ARRB1: variants seen among roughly 807,000 people sequenced by gnomAD.
ARRB1 encodes the protein arrestin beta 1.
In ARRB1, 21 loss-of-function variants were observed where a neutral mutation model predicts 56.8. That is an observed-to-expected ratio of 0.37 (90% CI 0.26 to 0.53). The LOEUF (loss-of-function observed/expected upper bound fraction) is 0.53. ARRB1 is among the 20% of genes least tolerant of loss of function. The probability of loss-of-function intolerance (pLI) is 0.88; values close to 1 mark genes in which losing one functional copy is unlikely to be tolerated. For missense variants in ARRB1, 424 were observed against 553.7 expected, an observed-to-expected ratio of 0.77 and a Z score of 2.35; for synonymous variants, 210 against 218.6, an observed-to-expected ratio of 0.96 and a Z score of 0.35.
intron 1 of ARRB1, among the ~76,000 whole-genome samples, chr11:75,312,616 T>C (rs1007545521): frequency 2.0e-5 from 3 of 152,002 alleles, no homozygotes; most frequent in African/African-American, 7.2e-5. Flanking sequence ...ATTCTGCAGA[T>C]GTGATTTTGT....
intron 13 of ARRB1, 58 bp downstream of exon 13, chr11:75,271,643 C>CAA: frequency 1.3e-6 from 2 of 1,526,194 alleles, no homozygotes; most frequent in Admixed American, 4.1e-5. Context: ...TCAGTCAAGC[C>CAA]AATGGGCTCC....
intron 1 of ARRB1, among the ~76,000 whole-genome samples, chr11:75,333,421 A>G (rs1166083801): frequency 6.6e-6 from 1 of 152,212 alleles, no homozygotes; most frequent in African/African-American, 2.4e-5. Flanking sequence ...GCATTGTGCC[A>G]GGGCTGGGGA....
At chr11:75,334,857 T>C (rs1352121172) in intron 1 of ARRB1, among the ~76,000 whole-genome samples, 1 of 151,840 alleles carries the variant, frequency 6.6e-6, no homozygotes, top group East Asian at 1.9e-4. Context: ...ACCAACATCC[T>C]AGCCCAAACG....
intron 1 of ARRB1, among the ~76,000 whole-genome samples, chr11:75,305,099 C>T (rs535916147): frequency 7.3e-5 from 10 of 137,076 alleles, no homozygotes; most frequent in East Asian, 4.4e-4. Flanking sequence ...GACATGATCT[C>T]GGCTCACTGC....
At chr11:75,266,521 AG>A (rs1391053185) in intron 15 of ARRB1, among the ~76,000 whole-genome samples, 2 of 152,268 alleles carry the variant, frequency 1.3e-5, no homozygotes, top group East Asian at 3.9e-4. Flanking sequence ...AGGGGCAGAG[AG>A]GGGCATGAAT....
intron 10 of ARRB1, among the ~76,000 whole-genome samples, chr11:75,276,330 C>T (rs1175551002): frequency 2.0e-5 from 3 of 152,128 alleles, no homozygotes; most frequent in Non-Finnish European, 2.9e-5. Flanking sequence ...GGACAAAGTT[C>T]GATCCATGCT....
Position 75,272,925 on chromosome 11 carries a change from A to C in ARRB1, c.968T>G (p.Val323Gly), listed in dbSNP as rs1334499009. The C allele has an allele frequency of 3.1e-6, 5 of 1,613,824 alleles. No individual in the cohort carries two copies. In the African/African-American group the frequency reaches 6.7e-5, roughly 22 times the overall value. ...CCGAGACACCACCAGCTTCACTTTC[A>C]CTTTGTAGGAAACAATGATCCCCAG... Reference protein sequence around the residue: ...EILGIIVSYKVKVKLVVSRGG... With the variant: ...EILGIIVSYKGKVKLVVSRGG... The change falls in exon 12 of 16, where the codon GTG becomes GGG. Residue 323 changes from valine to glycine, a missense_variant. Physicochemically the swap from Val to Gly is moderately radical, Grantham distance 109. Coordinates refer to ENST00000420843, the MANE Select transcript of ARRB1 (RefSeq NM_004041.5).
chr11:75,306,596 G>A (rs1947036878), intron 1 of ARRB1: 1 of 1,288,848 alleles, frequency 7.8e-7, no homozygotes, highest in African/African-American at 1.5e-5. Context: ...GGAGTGAAGA[G>A]GCCAGCCCAG....
intron 1 of ARRB1, among the ~76,000 whole-genome samples, chr11:75,321,810 T>TTG (rs1947353210): frequency 6.6e-6 from 1 of 152,202 alleles, no homozygotes; most frequent in Non-Finnish European, 1.5e-5. Context: ...TGAGCACCTA[T>TTG]TGTGTGTCAG....
At chr11:75,272,355 C>T (rs34251325) in intron 12 of ARRB1, among the ~76,000 whole-genome samples, 5,378 of 152,304 alleles carry the variant, frequency 0.035, 327 homozygotes, top group African/African-American at 0.12. Flanking sequence ...TGGTCCACCA[C>T]TATGACCTGA....
At chr11:75,306,723 G>A in intron 1 of ARRB1, 1 of 1,215,816 alleles carries the variant, frequency 8.2e-7, no homozygotes, top group Admixed American at 3.3e-5. Context: ...CCCCAAGTGA[G>A]GGGTTAGTTA....
At chr11:75,284,005 C>T (rs1946417027) in intron 4 of ARRB1, among the ~76,000 whole-genome samples, 2 of 152,290 alleles carry the variant, frequency 1.3e-5, no homozygotes, top group Middle Eastern at 3.4e-3. Flanking sequence ...CCCAGCCTTG[C>T]CACAGTCATG....
In ARRB1 at chr11:75,318,751, A is replaced by T. The variant is rs117720873; in HGVS notation, c.21-28712T>A. On this transcript the variant is annotated intron_variant, in intron 1 of 15. Coordinates refer to ENST00000420843, the MANE Select transcript of ARRB1 (RefSeq NM_004041.5). ...CTCCCAAAGCACTGGCACTGGGATT[A>T]TAGGAGTGAGCCACTGCGCCCAACA... 3.2e-3 allele frequency among the ~76,000 whole-genome samples: 480 copies of T among 151,952 alleles called. 8 individuals are homozygous for T. Among genetic ancestry groups the T allele is most frequent in the East Asian group, 0.027 (138 of 5,160 alleles).
chr11:75,329,680 G>A (rs140935902), intron 1 of ARRB1, among the ~76,000 whole-genome samples: 46 of 152,232 alleles, frequency 3.0e-4, no homozygotes, highest in African/African-American at 1.1e-3. Context: ...GACATTCCAT[G>A]TGGGGACGAA....
In ARRB1 at chr11:75,350,027, G is replaced by C. The variant is rs35404251; in HGVS notation, c.20+1561C>G. Among the ~76,000 whole-genome samples the C allele has an allele frequency of 6.1e-3, 926 of 152,378 alleles. 10 individuals carry two copies. The highest frequency in any genetic ancestry group is 0.021 in the African/African-American group (886 of 41,594). ...CTCTGGTTCCTCTGCTAGAAAACAG[G>C]AAGAGGAAAATTAACCTCCTGGAAG... On this transcript the variant is annotated intron_variant, in intron 1 of 15. Coordinates refer to ENST00000420843, the MANE Select transcript of ARRB1 (RefSeq NM_004041.5).
intron 1 of ARRB1, among the ~76,000 whole-genome samples, chr11:75,343,972 C>T (rs919394200): frequency 3.9e-5 from 6 of 152,106 alleles, no homozygotes; most frequent in African/African-American, 7.2e-5. Flanking sequence ...CCCGCCACCA[C>T]GCCCAGCTAA....
At chr11:75,270,454 C>T (rs999014004) in intron 13 of ARRB1, among the ~76,000 whole-genome samples, 1 of 152,296 alleles carries the variant, frequency 6.6e-6, no homozygotes, top group East Asian at 1.9e-4. Context: ...ATAGTGAAAT[C>T]CTGCCTCTAC....
chr11:75,351,562 C>A (rs1466429759), intron 1 of ARRB1, 26 bp downstream of exon 1: 12 of 1,499,054 alleles, frequency 8.0e-6, no homozygotes, highest in African/African-American at 1.5e-5. Context: ...CACGCGCCCC[C>A]CGCCGGGCGG....
At chr11:75,293,568 G>A (rs573452562) in intron 1 of ARRB1, among the ~76,000 whole-genome samples, 1 of 152,262 alleles carries the variant, frequency 6.6e-6, no homozygotes, top group East Asian at 1.9e-4. Context: ...GATGCCAGAG[G>A]CAGGGTCTGC....
Sources: allele counts gnomAD v4.1 joint callset (sites outside exome capture counted in the v4.1 genomes callset), GRCh38; gene constraint gnomAD v4.1.1; transcripts MANE v1.5; gene names NCBI Gene and HGNC (gene_info 2026-07-23, HGNC 2026-07-21).